The following UPRT variants were observed in gnomAD, a reference collection of about 807,000 sequenced individuals.
The protein encoded by UPRT is uracil phosphoribosyltransferase homolog.
A neutral mutation model predicts 22.6 loss-of-function variants in UPRT; 5 were observed. The observed-to-expected ratio is 0.22, with a 90% CI of 0.12 to 0.47. The LOEUF is 0.47. Among genes scored for constraint, UPRT ranks in the 20% least tolerant of loss-of-function variants. The pLI is 0.99. For missense variants in UPRT, 181 were observed against 239.9 expected (o/e 0.75, Z 1.62); for synonymous variants, 77 against 87.7 (o/e 0.88, Z 0.68).
In UPRT at chrX:75,183,521, C is replaced by A. The variant is rs991160715; in HGVS notation, c.-447+15642C>A. 2.1e-3 allele frequency among the ~76,000 whole-genome samples: 233 copies of A among 111,855 alleles called. 6 individuals are homozygous for A. The highest frequency in any genetic ancestry group is 4.5e-4 in the Non-Finnish European group (24 of 53,190). On this transcript the variant is annotated intron_variant, in intron 4 of 13. Coordinates refer to the UPRT transcript ENST00000652605. ...CCTTTATAGCAGCATGATTTATAAT[C>A]CTTTGGGTATATACCCAGTAATGGG...
At chrX:75,183,719 C>T (rs1442488200) in intron 4 of UPRT, among the ~76,000 whole-genome samples, 1 of 112,247 alleles carries the variant, frequency 8.9e-6, no homozygotes. Context: ...GCCATTCTAA[C>T]TGGTGTGACA....
chrX:75,185,907 T>C (rs754311098), intron 4 of UPRT, among the ~76,000 whole-genome samples: 1 of 111,929 alleles, frequency 8.9e-6, no homozygotes, highest in South Asian at 3.7e-4. Flanking sequence ...TTGATTTTTC[T>C]CTCTTTTTTT....
intron 4 of UPRT, among the ~76,000 whole-genome samples, chrX:75,181,164 A>C (rs757993561): frequency 9.0e-6 from 1 of 110,518 alleles, no homozygotes; most frequent in African/African-American, 3.3e-5. Flanking sequence ...AGATTGGTGT[A>C]GGTGTGCAGC....
rs778098729 is a variant in UPRT at position 75,274,693 on chromosome X, G to C, written c.386+53G>C. 4 of 1,130,376 alleles carry C rather than the reference G, an allele frequency of 3.5e-6. No homozygotes were observed. In the South Asian group the frequency reaches 8.7e-5, roughly 25 times the overall value. The allele number at this position is 1,130,376 out of a possible 1,213,427, so 93.2% of individuals were successfully genotyped here. A position where few individuals can be genotyped will look rare whatever the true frequency, so the allele number is the denominator to read the frequency against. On this transcript the variant is annotated intron_variant, in intron 1 of 6. Transcript: ENST00000373383. ...AAGTGGAGGGTCTTGCAGGCTGTGGGCGGGGATTGGAAGTAAAAGGGCTAA... is the reference window on the plus strand; with the variant it reads ...AAGTGGAGGGTCTTGCAGGCTGTGGCCGGGGATTGGAAGTAAAAGGGCTAA...
At chrX:75,288,771 C>T (rs780992431) in intron 1 of UPRT, among the ~76,000 whole-genome samples, 3 of 111,573 alleles carry the variant, frequency 2.7e-5, no homozygotes, top group Non-Finnish European at 5.6e-5. Flanking sequence ...CCCTTGAAAA[C>T]TGGAACAAGA....
chrX:75,201,991 A>G (rs1369008862), intron 4 of UPRT, among the ~76,000 whole-genome samples: 1 of 111,649 alleles, frequency 9.0e-6, no homozygotes, highest in Admixed American at 9.5e-5. Flanking sequence ...TCTTGGGGGG[A>G]AAACAACTGT....
chrX:75,245,274 A>G (rs752715101), intron 4 of UPRT, among the ~76,000 whole-genome samples: 1 of 108,731 alleles, frequency 9.2e-6, no homozygotes, highest in East Asian at 2.8e-4. Context: ...AGTAAAAAAA[A>G]AAAAAAAAGA....
chrX:75,243,217 T>C (rs375423821), intron 4 of UPRT, among the ~76,000 whole-genome samples: 3 of 111,517 alleles, frequency 2.7e-5, no homozygotes, highest in Non-Finnish European at 3.8e-5. Flanking sequence ...TCTGTAACCA[T>C]GGAGAAGTTC....
upstream of UPRT, among the ~76,000 whole-genome samples, chrX:75,272,348 A>AGTG (rs1569279538): frequency 8.2e-3 from 696 of 85,268 alleles, 19 homozygotes; most frequent in African/African-American, 0.034. Flanking sequence ...ATATATACAC[A>AGTG]TATATATATG....
At chrX:75,183,013 CTTTAT>C (rs1012802391) in intron 4 of UPRT, among the ~76,000 whole-genome samples, 2 of 109,892 alleles carry the variant, frequency 1.8e-5, no homozygotes, top group East Asian at 2.8e-4. Flanking sequence ...TTTTATTTTA[CTTTAT>C]TTTATTTTTT....
At chrX:75,187,996 A>G (rs1351592379) in intron 4 of UPRT, among the ~76,000 whole-genome samples, 6 of 111,733 alleles carry the variant, frequency 5.4e-5, no homozygotes, top group Admixed American at 2.8e-4. Context: ...GAGTAATTTG[A>G]TCGTCTGAAG....
chrX:75,184,140 G>T (rs2082280845), intron 4 of UPRT, among the ~76,000 whole-genome samples: 1 of 110,799 alleles, frequency 9.0e-6, no homozygotes, highest in Non-Finnish European at 1.9e-5. Context: ...TTTCTTCTAG[G>T]GTTTTTATGG....
intron 4 of UPRT, among the ~76,000 whole-genome samples, chrX:75,184,377 A>G (rs1234639463): frequency 9.4e-6 from 1 of 106,223 alleles, no homozygotes; most frequent in Non-Finnish European, 2.0e-5. Flanking sequence ...TGTTCCATTG[A>G]TCTATATCTC....
chrX:75,197,028 T>C (rs1315448392), intron 4 of UPRT, among the ~76,000 whole-genome samples: 1 of 111,111 alleles, frequency 9.0e-6, no homozygotes, highest in Non-Finnish European at 1.9e-5. Flanking sequence ...CCATTGTAGA[T>C]TTGAGATTCC....
At chrX:75,261,389 CCT>C (rs1447235053) in intron 4 of UPRT, among the ~76,000 whole-genome samples, 5 of 112,082 alleles carry the variant, frequency 4.5e-5, no homozygotes, top group Non-Finnish European at 9.4e-5. Flanking sequence ...ACCATAAACA[CCT>C]CTACCCAAAT....
At chrX:75,210,641 AAGG>A (rs2082377905) in intron 4 of UPRT, among the ~76,000 whole-genome samples, 2 of 98,635 alleles carry the variant, frequency 2.0e-5, no homozygotes. Flanking sequence ...GCCGCAGCCA[AAGG>A]AGAATAAGGA....
intron 1 of UPRT, among the ~76,000 whole-genome samples, chrX:75,288,546 G>A (rs1370866657): frequency 2.7e-5 from 3 of 112,234 alleles, no homozygotes; most frequent in East Asian, 5.6e-4. Context: ...ATCACTAAAT[G>A]TGATTCAACA....
At chrX:75,183,858 A>T (rs939588571) in intron 4 of UPRT, among the ~76,000 whole-genome samples, 18 of 111,527 alleles carry the variant, frequency 1.6e-4, no homozygotes, top group Admixed American at 9.5e-4. Context: ...TCGCCCACTT[A>T]TTGATGGGGT....
In UPRT at chrX:75,203,481, GACACACACACACAC is replaced by G. The variant is rs56145702; in HGVS notation, c.-447+35623_-447+35636del. On this transcript the variant is annotated intron_variant, in intron 4 of 13. Transcript: ENST00000652605. ...GTTTGAAGAGAAGGCAAGGGTTAAA[GACACACACACACAC>G]ACACACACACACACACACACTCACA... Among the ~76,000 whole-genome samples the G allele has an allele frequency of 4.4e-4, 40 of 91,266 alleles. 1 individual carries two copies. The Admixed American group carries it at 4.6e-3, about 11-fold the overall frequency. 79.3% of individuals were successfully genotyped at this position (91,266 alleles called of 115,157 possible).
Sources: gnomAD v4.1 joint callset for allele counts (sites outside exome capture counted in the v4.1 genomes callset) on GRCh38, gnomAD v4.1.1 for gene constraint, MANE v1.5 for transcripts, NCBI Gene and HGNC (gene_info 2026-07-23, HGNC 2026-07-21) for gene names.